The following KLHL32 variants were observed in gnomAD, a reference collection of about 807,000 sequenced individuals.
KLHL32 encodes the protein kelch like family member 32, also known as kelch-like protein 32.
A neutral mutation model predicts 64.8 loss-of-function variants in KLHL32; 35 were observed. The observed-to-expected ratio is 0.54, with a 90% CI of 0.41 to 0.72. KLHL32 has a LOEUF of 0.72. Ranked by LOEUF, KLHL32 falls within the 30% of genes least tolerant of loss-of-function variation. The probability of loss-of-function intolerance (pLI) is 0.00; values close to 1 mark genes in which losing one functional copy is unlikely to be tolerated. For synonymous variants in KLHL32, 259 were observed against 281.0 expected (o/e 0.92, Z 0.78); for missense variants, 589 against 768.5 (o/e 0.77, Z 2.76).
At chr6:96,955,447 T>A (rs1235908996) in intron 1 of KLHL32, among the ~76,000 whole-genome samples, 1 of 152,242 alleles carries the variant, frequency 6.6e-6, no homozygotes, top group East Asian at 1.9e-4. Flanking sequence ...GGGTTTATTG[T>A]TGTTTTTTCA....
intron 3 of KLHL32, among the ~76,000 whole-genome samples, chr6:97,017,222 A>G (rs1286838751): frequency 6.6e-6 from 1 of 152,260 alleles, no homozygotes; most frequent in Non-Finnish European, 1.5e-5. Context: ...GAGTTATCCC[A>G]TGCCATGTCC....
Position 97,078,775 on chromosome 6 carries a change from A to G in KLHL32, c.412-6351A>G, listed in dbSNP as rs192815086. Among the ~76,000 whole-genome samples, 287 of 152,306 alleles carry G rather than the reference A, an allele frequency of 1.9e-3. 1 individual carries two copies. The highest frequency in any genetic ancestry group is 6.3e-3 in the African/African-American group (262 of 41,574). Reference sequence around the variant, plus strand: ...GAATGTCAAAACACCTATTTTTAAGATGACTGCATCCACTGTAGACTAACT... The same window carrying G: ...GAATGTCAAAACACCTATTTTTAAGGTGACTGCATCCACTGTAGACTAACT... On this transcript the variant is annotated intron_variant, in intron 5 of 10. Transcript: ENST00000369261.
At chr6:97,022,922 G>C (rs1254859611) in intron 3 of KLHL32, among the ~76,000 whole-genome samples, 1 of 152,188 alleles carries the variant, frequency 6.6e-6, no homozygotes, top group Non-Finnish European at 1.5e-5. Context: ...TACAATCATG[G>C]CATAAGGCGA....
chr6:97,059,660 A>C (rs991928230), intron 4 of KLHL32, among the ~76,000 whole-genome samples: 1 of 152,156 alleles, frequency 6.6e-6, no homozygotes, highest in Non-Finnish European at 1.5e-5. Flanking sequence ...TTGTGGATAA[A>C]AAGTCCTTAG....
rs1378931096 is a variant in KLHL32, at chr6:97,041,473, C to G, written c.205-19C>G. On this transcript the variant is annotated intron_variant, in intron 3 of 10. Transcript: ENST00000369261. ...CTGTCAAAGTCTCATAACTGTCTTT[C>G]TCCCTTTCCTCACCTCAGGCAATGT... The G allele has an allele frequency of 5.2e-6, 8 of 1,549,336 alleles. No individual in the cohort carries two copies. Among genetic ancestry groups the G allele is most frequent in the Non-Finnish European group, 7.1e-6 (8 of 1,121,168 alleles).
intron 1 of KLHL32, among the ~76,000 whole-genome samples, chr6:96,959,546 G>A (rs1773660710): frequency 6.6e-6 from 1 of 152,146 alleles, no homozygotes; most frequent in Admixed American, 6.5e-5. Flanking sequence ...CTTCTTAGAA[G>A]GATGCCAATC....
chr6:96,904,107 T>C, the KLHL32 span, among the ~76,000 whole-genome samples: 3 of 151,904 alleles, frequency 2.0e-5, no homozygotes, highest in Non-Finnish European at 4.4e-5. Context: ...TTTGGGAGCC[T>C]GGGGCAGGCA....
chr6:97,095,415 T>A (rs769249191), intron 6 of KLHL32, among the ~76,000 whole-genome samples: 1 of 152,238 alleles, frequency 6.6e-6, no homozygotes, highest in Non-Finnish European at 1.5e-5. Context: ...ATGTAAGTTT[T>A]AGGCAATGTA....
At chr6:97,033,267 C>G (rs1016707933) in intron 3 of KLHL32, among the ~76,000 whole-genome samples, 3 of 152,108 alleles carry the variant, frequency 2.0e-5, no homozygotes, top group African/African-American at 7.2e-5. Flanking sequence ...TAAGTGAGAT[C>G]ATTCAATATT....
chr6:96,911,726 G>C, the KLHL32 span, among the ~76,000 whole-genome samples: 1 of 149,480 alleles, frequency 6.7e-6, no homozygotes, highest in Non-Finnish European at 1.5e-5. Context: ...CATTTTTTTT[G>C]GTCTTTTTCT....
intron 1 of KLHL32, among the ~76,000 whole-genome samples, chr6:96,944,235 GC>G (rs1771675683): frequency 6.6e-6 from 1 of 152,206 alleles, no homozygotes; most frequent in Non-Finnish European, 1.5e-5. Flanking sequence ...TATGAGGCAT[GC>G]ATGAATTCAA....
chr6:97,009,864 T>C (rs1461026427), intron 3 of KLHL32, among the ~76,000 whole-genome samples: 1 of 152,032 alleles, frequency 6.6e-6, no homozygotes, highest in Admixed American at 6.6e-5. Flanking sequence ...TTTGAGACAC[T>C]ATAATTAAGG....
At chr6:96,926,728 A>G (rs1268576355) in intron 1 of KLHL32, among the ~76,000 whole-genome samples, 10 of 152,200 alleles carry the variant, frequency 6.6e-5, no homozygotes, top group Non-Finnish European at 1.5e-5. Flanking sequence ...AAACCACTGT[A>G]AAGGAGGCAG....
chr6:97,087,489 G>A (rs1389371072), intron 6 of KLHL32, among the ~76,000 whole-genome samples: 4 of 152,142 alleles, frequency 2.6e-5, no homozygotes, highest in African/African-American at 7.2e-5. Context: ...TGTTCATTAC[G>A]GAACGTTCTC....
At chr6:96,941,912 G>A (rs1771338594) in intron 1 of KLHL32, among the ~76,000 whole-genome samples, 1 of 152,098 alleles carries the variant, frequency 6.6e-6, no homozygotes, top group Non-Finnish European at 1.5e-5. Flanking sequence ...ATAACTTTTT[G>A]AGAATCAAAT....
chr6:96,908,401 G>A, the KLHL32 span, among the ~76,000 whole-genome samples: 3 of 152,228 alleles, frequency 2.0e-5, no homozygotes, highest in East Asian at 3.9e-4. Flanking sequence ...ATGATTTGGC[G>A]GGATTCATTT....
intron 3 of KLHL32, among the ~76,000 whole-genome samples, chr6:97,008,953 G>A (rs764464343): frequency 3.9e-5 from 6 of 151,942 alleles, no homozygotes; most frequent in Non-Finnish European, 8.8e-5. Context: ...AATTAGAAGG[G>A]CAGTATAGTT....
intron 4 of KLHL32, among the ~76,000 whole-genome samples, chr6:97,055,975 C>T (rs1335930336): frequency 6.6e-6 from 1 of 151,828 alleles, no homozygotes; most frequent in East Asian, 1.9e-4. Flanking sequence ...AGGCTTTTAT[C>T]TTCATCATTC....
In KLHL32 at chr6:96,967,013, T is replaced by A. The variant is rs376578407; in HGVS notation, c.-48T>A. ...TTATTCAGCTGGAATGCTTGCTGAT[T>A]CCTCTGCACACTTCTAAGGCTGAGA... On this transcript the variant is annotated 5_prime_UTR_variant, in exon 2 of 11. Coordinates refer to ENST00000369261, the MANE Select transcript of KLHL32 (RefSeq NM_052904.4). 2 of 1,584,222 alleles carry A rather than the reference T, an allele frequency of 1.3e-6. No individual in the cohort carries two copies. Among genetic ancestry groups the A allele is most frequent in the Non-Finnish European group, 1.7e-6 (2 of 1,153,586 alleles).
Sources: gnomAD v4.1 joint callset for allele counts (sites outside exome capture counted in the v4.1 genomes callset) on GRCh38, gnomAD v4.1.1 for gene constraint, MANE v1.5 for transcripts, NCBI Gene and HGNC (gene_info 2026-07-23, HGNC 2026-07-21) for gene names.